The following FRYL variants were observed in gnomAD, a reference collection of about 807,000 sequenced individuals.
The protein encoded by FRYL is protein furry homolog-like.
Under a neutral mutation model 351.2 loss-of-function variants are expected in FRYL, and 150 were observed. That is an observed-to-expected ratio of 0.43 (90% CI 0.37 to 0.49). The LOEUF is 0.49. Among genes scored for constraint, FRYL ranks in the 20% least tolerant of loss-of-function variants. The pLI is 0.00. For synonymous variants in FRYL, 1,153 were observed against 1,257.1 expected, an observed-to-expected ratio of 0.92 and a Z score of 1.75; for missense variants, 3,036 against 3,619.3, an observed-to-expected ratio of 0.84 and a Z score of 4.13.
intron 59 of FRYL, chr4:48,506,733 G>C (rs1215408321): frequency 2.1e-5 from 3 of 145,552 alleles, no homozygotes; most frequent in Non-Finnish European, 4.5e-5. Flanking sequence ...AAGTATTTTA[G>C]TATTCGACAT....
chr4:48,711,057 A>T (rs188517833), intron 1 of FRYL, among the ~76,000 whole-genome samples: 68 of 152,166 alleles, frequency 4.5e-4, no homozygotes, highest in African/African-American at 1.6e-3. Flanking sequence ...GATGAATCCT[A>T]AAAAAAACAT....
intron 40 of FRYL, among the ~76,000 whole-genome samples, chr4:48,548,239 T>C (rs978908709): frequency 5.9e-5 from 9 of 152,162 alleles, no homozygotes; most frequent in Admixed American, 2.6e-4. Flanking sequence ...ATTATAGATA[T>C]GGTAGATCCC....
chr4:48,631,306 A>G (rs1328043754), intron 4 of FRYL, among the ~76,000 whole-genome samples: 1 of 152,196 alleles, frequency 6.6e-6, no homozygotes, highest in Admixed American at 6.5e-5. Context: ...ACTATTAATC[A>G]TAATTTTATA....
chr4:48,777,215 A>T (rs762451289), intron 1 of FRYL, among the ~76,000 whole-genome samples: 46 of 152,346 alleles, frequency 3.0e-4, no homozygotes, highest in Non-Finnish European at 6.3e-4. Flanking sequence ...AATTGTGACA[A>T]TGTGTTCACC....
intron 1 of FRYL, among the ~76,000 whole-genome samples, chr4:48,714,183 T>C (rs1768465027): frequency 6.6e-6 from 1 of 151,994 alleles, no homozygotes. Context: ...AGATTCAAAA[T>C]TGACACCCTA....
chr4:48,679,099 A>G (rs926785633), intron 3 of FRYL, among the ~76,000 whole-genome samples: 4 of 152,188 alleles, frequency 2.6e-5, no homozygotes, highest in Non-Finnish European at 5.9e-5. Context: ...TAATATATAC[A>G]TATTTTCACT....
intron 14 of FRYL, 65 bp downstream of exon 14, chr4:48,595,832 C>A (rs1744476699): frequency 3.4e-6 from 4 of 1,176,444 alleles, no homozygotes; most frequent in Non-Finnish European, 4.9e-6. Context: ...ACTAAAATTC[C>A]CAATAGTGTG....
At chr4:48,586,455 A>G (rs1452145483) in intron 19 of FRYL, among the ~76,000 whole-genome samples, 166 bp downstream of exon 19, 1 of 152,170 alleles carries the variant, frequency 6.6e-6, no homozygotes, top group African/African-American at 2.4e-5. Context: ...AAATGTGTTT[A>G]ACAACAACAA....
intron 3 of FRYL, among the ~76,000 whole-genome samples, chr4:48,662,984 C>G (rs1761070692): frequency 6.6e-6 from 1 of 152,178 alleles, no homozygotes; most frequent in East Asian, 1.9e-4. Context: ...AGAAGTTCTT[C>G]AGGTGGAAAG....
intron 49 of FRYL, among the ~76,000 whole-genome samples, chr4:48,532,802 T>C (rs1259987421): frequency 6.6e-6 from 1 of 152,256 alleles, no homozygotes; most frequent in Non-Finnish European, 1.5e-5. Context: ...TAAATTATAT[T>C]GCTGGTTGTG....
intron 7 of FRYL, among the ~76,000 whole-genome samples, chr4:48,617,433 C>T (rs1404989231): frequency 6.6e-6 from 1 of 151,428 alleles, no homozygotes; most frequent in African/African-American, 2.4e-5. Flanking sequence ...ACTGTAACCT[C>T]AAATCCCTAG....
intron 1 of FRYL, among the ~76,000 whole-genome samples, chr4:48,770,640 T>C (rs1428009461): frequency 6.6e-6 from 1 of 152,102 alleles, no homozygotes; most frequent in African/African-American, 2.4e-5. Flanking sequence ...TTTCTCCATG[T>C]TGGTTGAGCT....
At chr4:48,730,555 C>T (rs1310474016) in intron 1 of FRYL, among the ~76,000 whole-genome samples, 3 of 152,174 alleles carry the variant, frequency 2.0e-5, no homozygotes, top group Non-Finnish European at 2.9e-5. Flanking sequence ...ACCCTACAAG[C>T]CAGAAGACAG....
At chr4:48,629,446 G>A (rs1251234195) in intron 4 of FRYL, among the ~76,000 whole-genome samples, 2 of 152,080 alleles carry the variant, frequency 1.3e-5, no homozygotes, top group African/African-American at 4.8e-5. Flanking sequence ...GGGGAAAGTC[G>A]GCAGTCTGTT....
At chr4:48,533,204 T>C (rs1450545628) in intron 49 of FRYL, among the ~76,000 whole-genome samples, 1 of 152,132 alleles carries the variant, frequency 6.6e-6, no homozygotes. Context: ...TACCTATGGT[T>C]CAGAAGGTAG....
At chr4:48,522,378 G>C (rs187019326) in intron 54 of FRYL, among the ~76,000 whole-genome samples, 1 of 152,124 alleles carries the variant, frequency 6.6e-6, no homozygotes. Context: ...TACCAGGGTA[G>C]CTATTCCATG....
intron 3 of FRYL, among the ~76,000 whole-genome samples, chr4:48,643,417 T>G (rs537249015): frequency 2.6e-5 from 4 of 152,104 alleles, no homozygotes; most frequent in Non-Finnish European, 4.4e-5. Flanking sequence ...TAAAAGACGG[T>G]AGCAGTCTGA....
chr4:48,590,384 T>C (rs1224034138), intron 17 of FRYL, among the ~76,000 whole-genome samples: 1 of 152,078 alleles, frequency 6.6e-6, no homozygotes, highest in Non-Finnish European at 1.5e-5. Flanking sequence ...CTTGGGAGGC[T>C]GAGGCATGAA....
chr4:48,625,800 C>G (rs1456913110), intron 4 of FRYL, among the ~76,000 whole-genome samples: 1 of 151,688 alleles, frequency 6.6e-6, no homozygotes. Context: ...ATAGATTGAG[C>G]AAAATGTTCT....
Sources: allele counts gnomAD v4.1 joint callset (sites outside exome capture counted in the v4.1 genomes callset), GRCh38; gene constraint gnomAD v4.1.1; transcripts MANE v1.5; gene names NCBI Gene and HGNC (gene_info 2026-07-23, HGNC 2026-07-21).